Variants in TBC1D4 observed in about 807,000 individuals in gnomAD.
TBC1D4 encodes TBC1 domain family member 4, also known as TBC (Tre-2, BUB2, CDC16) domain-containing protein.
A neutral mutation model predicts 142.5 loss-of-function variants in TBC1D4; 121 were observed. The ratio of observed to expected loss-of-function variants is 0.85; its 90% CI spans 0.73 to 0.99. TBC1D4 has a LOEUF of 0.99. TBC1D4 is among the 50% of genes least tolerant of loss of function. The pLI is 0.00. For synonymous variants in TBC1D4, 630 were observed against 628.2 expected (o/e 1.00, Z -0.04); for missense variants, 1,475 against 1,606.6 (o/e 0.92, Z 1.40).
At chr13:75,442,530 A>G (rs1887086416) in intron 1 of TBC1D4, among the ~76,000 whole-genome samples, 1 of 152,118 alleles carries the variant, frequency 6.6e-6, no homozygotes, top group African/African-American at 2.4e-5. Context: ...GGGGAAAAAA[A>G]AACATTCTGG....
chr13:75,472,114 A>G (rs2138329547), intron 1 of TBC1D4, among the ~76,000 whole-genome samples: 2 of 149,654 alleles, frequency 1.3e-5, no homozygotes, highest in Middle Eastern at 7.0e-3. Flanking sequence ...CTCAAAAAAA[A>G]AAAAAAAAAA....
chr13:75,411,257 A>C (rs1234732469), intron 1 of TBC1D4, among the ~76,000 whole-genome samples: 1 of 152,196 alleles, frequency 6.6e-6, no homozygotes, highest in African/African-American at 2.4e-5. Flanking sequence ...CCACCTTATG[A>C]TATAATGTGA....
intron 4 of TBC1D4, among the ~76,000 whole-genome samples, chr13:75,354,979 T>C (rs900307102): frequency 3.0e-4 from 45 of 152,140 alleles, no homozygotes; most frequent in African/African-American, 9.7e-4. Context: ...AAAACTCAAA[T>C]GGAACCCTCT....
intron 1 of TBC1D4, among the ~76,000 whole-genome samples, chr13:75,364,706 CTTCT>C (rs779878438): frequency 6.6e-6 from 1 of 152,236 alleles, no homozygotes; most frequent in Non-Finnish European, 1.5e-5. Flanking sequence ...AGAATGATCT[CTTCT>C]TTCTCTCTAC....
rs190637485 is a variant in TBC1D4, at chr13:75,316,869, G to C, written c.2222+3145C>G. On this transcript the variant is annotated intron_variant, in intron 12 of 20. Transcript: ENST00000377636. ...CCTTTGATTAAACTTAGGTAAGAAAGCATAATGTCTACTTTTTGAGTAAAA... is the reference window on the plus strand; with the variant it reads ...CCTTTGATTAAACTTAGGTAAGAAACCATAATGTCTACTTTTTGAGTAAAA... Among the ~76,000 whole-genome samples, 284 of 152,248 alleles carry C rather than the reference G, an allele frequency of 1.9e-3. 1 individual carries two copies. The highest frequency in any genetic ancestry group is 3.3e-3 in the Non-Finnish European group (226 of 68,020).
chr13:75,344,988 A>G (rs1040736064), intron 5 of TBC1D4, among the ~76,000 whole-genome samples: 13 of 152,362 alleles, frequency 8.5e-5, no homozygotes, highest in African/African-American at 3.1e-4. Flanking sequence ...ATTAACAGTT[A>G]TCTTACTTAA....
At chr13:75,413,961 A>G (rs1256020119) in intron 1 of TBC1D4, among the ~76,000 whole-genome samples, 14 of 152,262 alleles carry the variant, frequency 9.2e-5, no homozygotes, top group African/African-American at 3.4e-4. Flanking sequence ...CCCACAAGAG[A>G]TTGTGCTTAG....
intron 5 of TBC1D4, among the ~76,000 whole-genome samples, chr13:75,343,580 C>T (rs1036795298): frequency 6.6e-6 from 1 of 151,940 alleles, no homozygotes; most frequent in Non-Finnish European, 1.5e-5. Flanking sequence ...TGCAATGGCG[C>T]GATCTCGACT....
chr13:75,333,399 A>C (rs1199604788), intron 8 of TBC1D4, among the ~76,000 whole-genome samples: 1 of 152,208 alleles, frequency 6.6e-6, no homozygotes, highest in Non-Finnish European at 1.5e-5. Flanking sequence ...AGAAAAAATA[A>C]ATTTAAAAAA....
At chr13:75,473,126 T>C (rs776313028) in intron 1 of TBC1D4, among the ~76,000 whole-genome samples, 1 of 152,146 alleles carries the variant, frequency 6.6e-6, no homozygotes, top group Non-Finnish European at 1.5e-5. Flanking sequence ...TCCTCCTGGG[T>C]AGCTGGGATT....
rs141382484 is a variant in TBC1D4 at position 75,370,843 on chromosome 13, T to A, written c.499-8236A>T. 1.9e-3 allele frequency among the ~76,000 whole-genome samples: 287 copies of A among 151,972 alleles called. 5 individuals carry two copies. The highest frequency in any genetic ancestry group is 6.7e-3 in the African/African-American group (278 of 41,426). On this transcript the variant is annotated intron_variant, in intron 1 of 20. Transcript: ENST00000377636. ...AGCATCTAGATGGTATTTAAAGCCA[T>A]GAGATTAGATGAGTTCATCAAGAGT...
In TBC1D4 at chr13:75,304,523, G is replaced by A. The variant is rs1309901680; in HGVS notation, c.2752+1790C>T. Among the ~76,000 whole-genome samples, 4 of 152,130 alleles carry A rather than the reference G, an allele frequency of 2.6e-5. No individual in the cohort carries two copies. The Middle Eastern group carries it at 0.01, about 391-fold the overall frequency. On this transcript the variant is annotated intron_variant, in intron 15 of 20. Coordinates refer to ENST00000377636, the MANE Select transcript of TBC1D4 (RefSeq NM_014832.5). ...CAAATACACACATAATTATTAAACT[G>A]TAAATTATGATTAAGTATAATAAAT...
intron 5 of TBC1D4, among the ~76,000 whole-genome samples, chr13:75,342,482 A>C (rs1207382271): frequency 1.3e-5 from 2 of 152,216 alleles, no homozygotes; most frequent in Non-Finnish European, 2.9e-5. Flanking sequence ...GTGAGAATAA[A>C]GTTTTAAGGA....
intron 1 of TBC1D4, among the ~76,000 whole-genome samples, chr13:75,372,098 G>C (rs1197323120): frequency 6.6e-6 from 1 of 151,920 alleles, no homozygotes; most frequent in African/African-American, 2.4e-5. Flanking sequence ...TTTCTATATG[G>C]AACATTTCTA....
At chr13:75,410,804 C>A (rs1885610518) in intron 1 of TBC1D4, among the ~76,000 whole-genome samples, 1 of 150,452 alleles carries the variant, frequency 6.6e-6, no homozygotes, top group Admixed American at 6.6e-5. Context: ...GGCGTGGTAG[C>A]GGGCACCTGT....
chr13:75,447,001 T>G (rs938858488), intron 1 of TBC1D4, among the ~76,000 whole-genome samples: 10 of 152,118 alleles, frequency 6.6e-5, no homozygotes, highest in Admixed American at 3.9e-4. Context: ...GGTGGAATAT[T>G]ATAGATTGAA....
At chr13:75,299,697 G>T in intron 16 of TBC1D4, 123 bp from the exon 17 acceptor site, 1 of 1,236,430 alleles carries the variant, frequency 8.1e-7, no homozygotes, top group Non-Finnish European at 1.1e-6. Context: ...AGTGAGAGTT[G>T]CTTAGAGTCA....
In TBC1D4 at chr13:75,341,521, T is replaced by C. The variant is rs1329067584; in HGVS notation, c.1475A>G (p.Gln492Arg). 1 of 1,614,074 alleles carries C rather than the reference T, an allele frequency of 6.2e-7. No individual in the cohort carries two copies. Among genetic ancestry groups the C allele is most frequent in the Admixed American group, 1.7e-5 (1 of 60,018 alleles). ...CTGAACTCTTTCAAAGATGTCAGCT[T>C]GCTCATTATCTGTCAGTGATGAGAG... ...RHLSSLTDNE[Q>R]ADIFERVQKM... Residue 492 changes from glutamine (Q) to arginine (R), a missense_variant, in exon 6 of 21, where the codon CAA becomes CGA. Coordinates refer to ENST00000377636, the MANE Select transcript of TBC1D4 (RefSeq NM_014832.5).
chr13:75,454,254 G>T (rs1384962398), intron 1 of TBC1D4, among the ~76,000 whole-genome samples: 1 of 152,064 alleles, frequency 6.6e-6, no homozygotes, highest in Non-Finnish European at 1.5e-5. Flanking sequence ...ATATATTAGT[G>T]ATCTTTCTGC....
Sources: gnomAD v4.1 joint callset for allele counts (sites outside exome capture counted in the v4.1 genomes callset) on GRCh38, gnomAD v4.1.1 for gene constraint, MANE v1.5 for transcripts, NCBI Gene and HGNC (gene_info 2026-07-23, HGNC 2026-07-21) for gene names.